Variants in PPIE observed in about 807,000 individuals in gnomAD.
PPIE encodes peptidyl-prolyl cis-trans isomerase E.
Under a neutral mutation model 38.4 loss-of-function variants are expected in PPIE, and 20 were observed. The observed-to-expected ratio is 0.52, with a 90% CI of 0.37 to 0.76. The LOEUF is 0.76. Among genes scored for constraint, PPIE ranks in the 30% least tolerant of loss-of-function variants. PPIE has a pLI of 0.00. For synonymous variants in PPIE, 142 were observed against 135.7 expected (o/e 1.05, Z -0.32); for missense variants, 322 against 385.8 (o/e 0.83, Z 1.39).
In PPIE at chr1:39,753,709, T is replaced by C; in HGVS notation, c.*354T>C. On this transcript the variant is annotated 3_prime_UTR_variant, in exon 10 of 10. Coordinates refer to ENST00000324379, the MANE Select transcript of PPIE (RefSeq NM_006112.4). The stretch of plus-strand genomic sequence containing the variant: ...TAAACCCTAGTTCTTATATTGCTCT[T>C]CCTGCTAGTTCTTGGGAGTTGTCAG... 2.9e-6 allele frequency: 3 copies of C among 1,050,892 alleles called. No homozygotes were observed. The highest frequency in any genetic ancestry group is 3.4e-6 in the Non-Finnish European group (3 of 871,642). 65.1% of individuals were successfully genotyped at this position (1,050,892 alleles called of 1,614,324 possible).
chr1:39,745,442 A>G lies in PPIE; in HGVS notation c.452A>G (p.Lys151Arg), dbSNP rs1344925834. Residue 151 changes from lysine to arginine, a missense_variant, in exon 7 of 10, where the codon AAG (lysine) becomes AGG (arginine). Lys to Arg is a conservative substitution (Grantham distance 26). Transcript: ENST00000324379. ...TACATGGACATCAAGATTGGGAACAAGCCGGCTGGCCGCATCCAGATGCTC... is the reference window on the plus strand; with the variant it reads ...TACATGGACATCAAGATTGGGAACAGGCCGGCTGGCCGCATCCAGATGCTC... Reference protein sequence around the residue: ...QVYMDIKIGNKPAGRIQMLLR... With the variant: ...QVYMDIKIGNRPAGRIQMLLR... 1 of 1,614,130 alleles carries G rather than the reference A, an allele frequency of 6.2e-7. No homozygotes were observed. Among genetic ancestry groups the G allele is most frequent in the Non-Finnish European group, 8.5e-7 (1 of 1,180,062 alleles).
intron 9 of PPIE, chr1:39,762,368 A>G: frequency 1.9e-6 from 2 of 1,064,642 alleles, no homozygotes. Context: ...TCCTAAGGGG[A>G]AAACATAAGG....
chr1:39,755,060 T>C lies in PPIE; in HGVS notation c.*1705T>C. The C allele has an allele frequency of 1.0e-6, 1 of 985,498 alleles. No individual in the cohort carries two copies. Among genetic ancestry groups the C allele is most frequent in the Non-Finnish European group, 1.2e-6 (1 of 829,950 alleles). The allele number at this position is 985,498 out of a possible 1,614,324, so 61.0% of individuals were successfully genotyped here. ...CCCACCCCCTGCTGAGCTCACAGTC[T>C]GGCTCTCCTGTGTGCAGCCACTTCT... On this transcript the variant is annotated 3_prime_UTR_variant, in exon 10 of 10. Coordinates refer to ENST00000324379, the MANE Select transcript of PPIE (RefSeq NM_006112.4).
rs532302064 is a variant in PPIE at position 39,745,180 on chromosome 1, C to T, written c.385-195C>T. Among the ~76,000 whole-genome samples the T allele has an allele frequency of 5.9e-5, 9 of 152,360 alleles. No individual in the cohort carries two copies. In the South Asian group the frequency reaches 8.3e-4, roughly 14 times the overall value. The stretch of plus-strand genomic sequence containing the variant: ...GTTAGCCAGTGCTGAGACCTCCTGT[C>T]GCTGGGCATCCAGCTGGGTGCTACG... On this transcript the variant is annotated intron_variant, in intron 6 of 9. Transcript: ENST00000324379.
At chr1:39,762,310 G>A (rs1187951930) in intron 9 of PPIE, 10 of 539,010 alleles carry the variant, frequency 1.9e-5, no homozygotes, top group Non-Finnish European at 3.2e-5. Context: ...CGTGTGCTGC[G>A]ATTACAGGGT....
downstream of PPIE, chr1:39,756,771 A>G: frequency 4.4e-6 from 1 of 227,798 alleles, no homozygotes. Flanking sequence ...AAATATTAAT[A>G]GTGTGTTTAT....
chr1:39,763,526 AC>A lies in PPIE; in HGVS notation c.838-162del, dbSNP rs1266514042. On this transcript the variant is annotated intron_variant, in intron 9 of 9. Transcript: ENST00000356511. ...CTTCATTTTCATGGTTTTAAAAAAA[AC>A]AAAAAACTGAACAAAAAAAAAACCC... Among the ~76,000 whole-genome samples, 19 of 146,422 alleles carry A rather than the reference AC, an allele frequency of 1.3e-4. 3 individuals are homozygous for A. Among genetic ancestry groups the A allele is most frequent in the Non-Finnish European group, 1.8e-4 (12 of 66,260 alleles).
chr1:39,762,603 G>T, intron 9 of PPIE: 1 of 1,550,202 alleles, frequency 6.5e-7, no homozygotes, highest in Non-Finnish European at 8.7e-7. Flanking sequence ...AAAGCCAAAA[G>T]GTTGAGAGCC....
At chr1:39,742,003 C>G in intron 4 of PPIE, 82 bp downstream of exon 4, 1 of 1,480,226 alleles carries the variant, frequency 6.8e-7, no homozygotes, top group African/African-American at 1.4e-5. Flanking sequence ...GTGTTCTGGA[C>G]TTCCAAAGTT....
chr1:39,748,161 A>G, intron 7 of PPIE: 1 of 152,196 alleles, frequency 6.6e-6, no homozygotes, highest in East Asian at 1.9e-4. Flanking sequence ...TTTGCAAATA[A>G]GCATTCTCCT....
At chr1:39,748,666 T>C (rs917772166) in intron 7 of PPIE, 14 of 471,140 alleles carry the variant, frequency 3.0e-5, no homozygotes, top group Non-Finnish European at 4.2e-5. Context: ...ACCCAAGAGG[T>C]GGAAGTTGCA....
At chr1:39,750,686 G>A (rs2124353917) in intron 8 of PPIE, among the ~76,000 whole-genome samples, 1 of 152,270 alleles carries the variant, frequency 6.6e-6, no homozygotes, top group East Asian at 1.9e-4. Flanking sequence ...CAGGACTCCT[G>A]CCTCTTCTTG....
intron 3 of PPIE, chr1:39,741,693 G>A: frequency 1.6e-6 from 1 of 635,580 alleles, no homozygotes; most frequent in Non-Finnish European, 2.7e-6. Context: ...ATTATTTCTT[G>A]TGCCTTCAAC....
At chr1:39,762,901 C>A (rs559335189) in intron 9 of PPIE, among the ~76,000 whole-genome samples, 1 of 152,222 alleles carries the variant, frequency 6.6e-6, no homozygotes, top group Non-Finnish European at 1.5e-5. Context: ...TGCGAGTCTA[C>A]GTGTAGTGTG....
intron 8 of PPIE, among the ~76,000 whole-genome samples, chr1:39,749,571 A>G (rs12038187): frequency 6.6e-6 from 1 of 152,100 alleles, no homozygotes; most frequent in Non-Finnish European, 1.5e-5. Context: ...GCCCGTCTTC[A>G]CTTCTGAAGC....
intron 9 of PPIE, chr1:39,763,200 G>A: frequency 6.2e-7 from 1 of 1,610,666 alleles, no homozygotes; most frequent in East Asian, 2.2e-5. Context: ...CGATGACCCA[G>A]TCCTGGGGGG....
intron 4 of PPIE, chr1:39,742,774 C>G (rs1320522675): frequency 6.5e-6 from 1 of 152,816 alleles, no homozygotes; most frequent in African/African-American, 2.4e-5. Flanking sequence ...ATCACCACTT[C>G]AAGTGGAGTC....
chr1:39,741,178 C>A (rs940211698), intron 2 of PPIE, among the ~76,000 whole-genome samples, 188 bp from the exon 3 acceptor site: 1 of 152,044 alleles, frequency 6.6e-6, no homozygotes, highest in Non-Finnish European at 1.5e-5. Flanking sequence ...ATTAAAAAAA[C>A]AAAGTTTATT....
At chr1:39,751,338 G>A (rs1415290123) in intron 8 of PPIE, among the ~76,000 whole-genome samples, 1 of 152,040 alleles carries the variant, frequency 6.6e-6, no homozygotes, top group Non-Finnish European at 1.5e-5. Flanking sequence ...TATCTGGCAG[G>A]ATATTTGTTG....
Sources: allele counts gnomAD v4.1 joint callset (sites outside exome capture counted in the v4.1 genomes callset), GRCh38; gene constraint gnomAD v4.1.1; transcripts MANE v1.5; gene names NCBI Gene and HGNC (gene_info 2026-07-23, HGNC 2026-07-21).